The following ARHGEF12 variants were observed in gnomAD, a reference collection of about 807,000 sequenced individuals.
ARHGEF12 encodes the protein Rho guanine nucleotide exchange factor 12.
ARHGEF12 carries 66 observed loss-of-function variants against 211.2 expected under a neutral mutation model. That is an observed-to-expected ratio of 0.31 (90% CI 0.26 to 0.38). ARHGEF12 has a LOEUF of 0.38. Among genes scored for constraint, ARHGEF12 ranks in the 10% least tolerant of loss-of-function variants. ARHGEF12 has a pLI of 1.00. For synonymous variants in ARHGEF12, 592 were observed against 638.4 expected, an observed-to-expected ratio of 0.93 and a Z score of 1.09; for missense variants, 1,429 against 1,869.5, an observed-to-expected ratio of 0.76 and a Z score of 4.34.
intron 31 of ARHGEF12, among the ~76,000 whole-genome samples, chr11:120,473,429 G>A (rs372422389): frequency 6.6e-6 from 1 of 152,146 alleles, no homozygotes; most frequent in Non-Finnish European, 1.5e-5. Flanking sequence ...TTCAGACAGG[G>A]TCTTGCTCTG....
At chr11:120,366,010 C>G (rs567219138) in intron 1 of ARHGEF12, 1 of 152,236 alleles carries the variant, frequency 6.6e-6, no homozygotes, top group African/African-American at 2.4e-5. Context: ...GTAATCTTAA[C>G]ACTTTGGAAG....
intron 1 of ARHGEF12, among the ~76,000 whole-genome samples, chr11:120,338,822 C>A (rs1312505875): frequency 6.6e-6 from 1 of 152,164 alleles, no homozygotes; most frequent in Non-Finnish European, 1.5e-5. Context: ...ACTCATTCCA[C>A]ACACAAGTGA....
At chr11:120,419,182 G>A (rs368338999) in intron 4 of ARHGEF12, among the ~76,000 whole-genome samples, 11 of 151,750 alleles carry the variant, frequency 7.2e-5, no homozygotes, top group African/African-American at 1.9e-4. Context: ...GGATGGTCTC[G>A]ATCTCCTGAC....
intron 15 of ARHGEF12, among the ~76,000 whole-genome samples, chr11:120,443,176 C>T (rs1355924915): frequency 6.6e-6 from 1 of 152,028 alleles, no homozygotes; most frequent in African/African-American, 2.4e-5. Flanking sequence ...TGTACACCAT[C>T]ATGCCTGGCT....
At chr11:120,469,479 T>C (rs1946804962) in intron 30 of ARHGEF12, 91 bp downstream of exon 30, 1 of 1,050,884 alleles carries the variant, frequency 9.5e-7, no homozygotes. Context: ...GTTAAAACTA[T>C]CATTACCTAA....
At chr11:120,473,277 T>A in intron 31 of ARHGEF12, 150 bp downstream of exon 31, 1 of 673,372 alleles carries the variant, frequency 1.5e-6, no homozygotes, top group Non-Finnish European at 2.4e-6. Flanking sequence ...TGCTGCCTTT[T>A]AAATGCTTGA....
intron 31 of ARHGEF12, among the ~76,000 whole-genome samples, chr11:120,473,967 C>A (rs145712923): frequency 0.011 from 1,715 of 152,262 alleles, 24 homozygotes; most frequent in African/African-American, 0.039. Context: ...ACTTTTATGT[C>A]ATATATTAAT....
chr11:120,456,987 GA>G (rs1946382299), intron 22 of ARHGEF12, 130 bp from the exon 23 acceptor site: 1 of 755,144 alleles, frequency 1.3e-6, no homozygotes, highest in Non-Finnish European at 2.1e-6. Context: ...TAGTTCTAGT[GA>G]ACCTGCAGTT....
At chr11:120,409,476 T>C in intron 4 of ARHGEF12, 26 bp downstream of exon 4, 3 of 1,611,774 alleles carry the variant, frequency 1.9e-6, no homozygotes, top group Non-Finnish European at 1.7e-6. Context: ...TAATTCAGCC[T>C]TGCCCTTTGG....
At position 120,442,673 on chromosome 11, in the gene ARHGEF12, A is replaced by G. The variant is rs112101775; in HGVS notation, c.1302+471A>G. Among the ~76,000 whole-genome samples, 18 of 152,212 alleles carry G rather than the reference A, an allele frequency of 1.2e-4. 1 individual carries two copies. In the South Asian group the frequency reaches 3.3e-3, roughly 28 times the overall value. On this transcript the variant is annotated intron_variant, in intron 15 of 40. Coordinates refer to ENST00000397843, the MANE Select transcript of ARHGEF12 (RefSeq NM_015313.3). The stretch of plus-strand genomic sequence containing the variant: ...CACTGAAATAAATGATGATAACGTT[A>G]TATTTTGTCATTAAAAGTGTTAATA...
intron 4 of ARHGEF12, among the ~76,000 whole-genome samples, chr11:120,415,375 G>GTCT (rs1422091972): frequency 3.9e-5 from 6 of 152,134 alleles, no homozygotes; most frequent in Non-Finnish European, 7.4e-5. Flanking sequence ...ACTCCAAGTA[G>GTCT]TCTTGGGTTC....
At chr11:120,393,578 A>G (rs1944286245) in intron 1 of ARHGEF12, among the ~76,000 whole-genome samples, 1 of 152,238 alleles carries the variant, frequency 6.6e-6, no homozygotes, top group African/African-American at 2.4e-5. Flanking sequence ...CAGGGATAAA[A>G]AAAGTAATTT....
intron 29 of ARHGEF12, among the ~76,000 whole-genome samples, chr11:120,468,488 G>A (rs755086227): frequency 3.3e-5 from 5 of 152,000 alleles, no homozygotes; most frequent in East Asian, 1.9e-4. Flanking sequence ...TCGCTCTGTC[G>A]CCCAGGCTGG....
intron 1 of ARHGEF12, among the ~76,000 whole-genome samples, chr11:120,374,119 TTTA>T (rs1943662790): frequency 6.6e-6 from 1 of 152,206 alleles, no homozygotes; most frequent in Non-Finnish European, 1.5e-5. Context: ...AAAATGTATT[TTTA>T]TGGACACCCA....
At chr11:120,345,757 T>C (rs530130485) in intron 1 of ARHGEF12, among the ~76,000 whole-genome samples, 1 of 145,520 alleles carries the variant, frequency 6.9e-6, no homozygotes, top group Admixed American at 6.8e-5. Flanking sequence ...AATATATATA[T>C]ATATACAGTA....
rs768457776 is a variant in ARHGEF12, at chr11:120,481,583, C to T, written c.4554+7C>T. On this transcript the variant is annotated splice_region_variant and intron_variant, in intron 39 of 40. Coordinates refer to ENST00000397843, the MANE Select transcript of ARHGEF12 (RefSeq NM_015313.3). Reference sequence around the variant, plus strand: ...TGACCTTGAACACTTAAAGGTACCTCATACTTCCACATCCATAGGACTTGG... The same window carrying T: ...TGACCTTGAACACTTAAAGGTACCTTATACTTCCACATCCATAGGACTTGG... 1.9e-6 allele frequency: 3 copies of T among 1,611,124 alleles called. No individual in the cohort carries two copies. Among genetic ancestry groups the T allele is most frequent in the Admixed American group, 3.3e-5 (2 of 59,964 alleles).
At chr11:120,439,903 C>T (rs527702953) in intron 12 of ARHGEF12, 59 of 456,192 alleles carry the variant, frequency 1.3e-4, no homozygotes, top group African/African-American at 9.9e-4. Flanking sequence ...GTGGTTTTTT[C>T]CCCCCAAAAA....
intron 27 of ARHGEF12, among the ~76,000 whole-genome samples, chr11:120,461,389 A>G (rs1342329293): frequency 6.6e-6 from 1 of 152,188 alleles, no homozygotes; most frequent in Non-Finnish European, 1.5e-5. Flanking sequence ...AATGGGCAGT[A>G]ATATTTTAAA....
intron 2 of ARHGEF12, 24 bp downstream of exon 2, chr11:120,406,165 A>G: frequency 1.3e-6 from 2 of 1,486,760 alleles, no homozygotes; most frequent in Non-Finnish European, 1.8e-6. Context: ...ATTACACTTC[A>G]TACTCAAGTT....
Sources: allele counts gnomAD v4.1 joint callset (sites outside exome capture counted in the v4.1 genomes callset), GRCh38; gene constraint gnomAD v4.1.1; transcripts MANE v1.5; gene names NCBI Gene and HGNC (gene_info 2026-07-23, HGNC 2026-07-21).